Variants in INSYN2B observed in about 807,000 individuals in gnomAD.
INSYN2B encodes the protein inhibitory synaptic factor family member 2B.
In INSYN2B, 16 loss-of-function variants were observed where a neutral mutation model predicts 41.2. The observed-to-expected ratio is 0.39, with a 90% CI of 0.26 to 0.59. INSYN2B has a LOEUF of 0.59. INSYN2B is among the 20% of genes least tolerant of loss of function. INSYN2B has a pLI of 0.57. For synonymous variants in INSYN2B, 245 were observed against 244.4 expected, an observed-to-expected ratio of 1.00 and a Z score of -0.02; for missense variants, 608 against 646.4, an observed-to-expected ratio of 0.94 and a Z score of 0.64.
chr5:169,936,526 G>A (rs2113695144), intron 1 of INSYN2B, among the ~76,000 whole-genome samples: 1 of 150,234 alleles, frequency 6.7e-6, no homozygotes, highest in South Asian at 2.1e-4. Flanking sequence ...ATTCTATCCT[G>A]TGTGTATTTC....
intron 1 of INSYN2B, among the ~76,000 whole-genome samples, chr5:169,885,168 GTCACATTTT>G (rs1561795293): frequency 6.6e-6 from 1 of 152,090 alleles, no homozygotes; most frequent in Non-Finnish European, 1.5e-5. Context: ...GTACATCCTC[GTCACATTTT>G]TCACAATACA....
intron 1 of INSYN2B, among the ~76,000 whole-genome samples, chr5:169,887,014 C>A (rs1439939640): frequency 6.6e-6 from 1 of 152,160 alleles, no homozygotes; most frequent in South Asian, 2.1e-4. Flanking sequence ...AACTGAGGCA[C>A]AGAAGATGAA....
In INSYN2B at chr5:169,911,376, C is replaced by T. The variant is rs891783078; in HGVS notation, c.-918-26560G>A. Among the ~76,000 whole-genome samples, 6 of 152,234 alleles carry T rather than the reference C, an allele frequency of 3.9e-5. No individual in the cohort carries two copies. In the East Asian group the frequency reaches 1.2e-3, roughly 29 times the overall value. ...ACTTCTCTTTTCATGCTATGGCGTT[C>T]ACAGGACATCAGAGCCAGTGGAGCT... On this transcript the variant is annotated intron_variant, in intron 1 of 3. Transcript: ENST00000377365.
At chr5:169,955,683 C>T (rs1320468806) in intron 1 of INSYN2B, among the ~76,000 whole-genome samples, 2 of 152,156 alleles carry the variant, frequency 1.3e-5, no homozygotes, top group Admixed American at 1.3e-4. Flanking sequence ...CCAGCCTAGC[C>T]ACTATATAGC....
chr5:169,876,873 C>G (rs1772365867), intron 3 of INSYN2B, among the ~76,000 whole-genome samples: 1 of 152,210 alleles, frequency 6.6e-6, no homozygotes, highest in Non-Finnish European at 1.5e-5. Context: ...TTAATAGAGT[C>G]ATTTCTTTCT....
chr5:169,963,223 G>T (rs1262616570), intron 1 of INSYN2B, among the ~76,000 whole-genome samples: 10 of 152,122 alleles, frequency 6.6e-5, no homozygotes, highest in Non-Finnish European at 8.8e-5. Context: ...GTCCACGTGG[G>T]GTGGGTATCA....
intron 1 of INSYN2B, among the ~76,000 whole-genome samples, chr5:169,910,248 G>T (rs1405551481): frequency 6.6e-6 from 1 of 152,116 alleles, no homozygotes; most frequent in East Asian, 1.9e-4. Flanking sequence ...GTTAGAAGTG[G>T]CCATCTGAGA....
intron 2 of INSYN2B, 67 bp from the exon 3 acceptor site, chr5:169,881,509 C>T: frequency 8.0e-7 from 1 of 1,242,452 alleles, no homozygotes; most frequent in Non-Finnish European, 1.2e-6. Context: ...AACATTCAAC[C>T]TACTTGTCCC....
intron 1 of INSYN2B, among the ~76,000 whole-genome samples, chr5:169,923,739 A>G (rs33372): frequency 0.36 from 55,066 of 152,160 alleles, 10,509 homozygotes; most frequent in East Asian, 0.56. Flanking sequence ...AAATGTGAGT[A>G]ACTGTGTTTA....
chr5:169,915,205 G>A (rs1434482499), intron 1 of INSYN2B, among the ~76,000 whole-genome samples: 1 of 152,280 alleles, frequency 6.6e-6, no homozygotes, highest in African/African-American at 2.4e-5. Flanking sequence ...AATCAGAAAT[G>A]AATAAGGAGA....
intron 1 of INSYN2B, among the ~76,000 whole-genome samples, chr5:169,971,672 C>T (rs1266996298): frequency 2.0e-5 from 3 of 152,174 alleles, no homozygotes; most frequent in African/African-American, 7.2e-5. Context: ...AGAGCAAGGA[C>T]TTTGGGTAGC....
chr5:169,871,794 T>C (rs768472118), intron 3 of INSYN2B, among the ~76,000 whole-genome samples: 1 of 152,236 alleles, frequency 6.6e-6, no homozygotes, highest in African/African-American at 2.4e-5. Flanking sequence ...CTGGGGTGCA[T>C]GGGGGACGCT....
chr5:169,913,136 A>C (rs989951743), intron 1 of INSYN2B, among the ~76,000 whole-genome samples: 21 of 152,210 alleles, frequency 1.4e-4, no homozygotes, highest in African/African-American at 4.8e-4. Context: ...CTTCAGGCAC[A>C]AACATTTAAA....
chr5:169,922,309 A>G (rs141733626), intron 1 of INSYN2B, among the ~76,000 whole-genome samples: 297 of 152,366 alleles, frequency 1.9e-3, no homozygotes, highest in South Asian at 7.2e-3. Flanking sequence ...GCCCTAATTT[A>G]TGCAGAACCC....
chr5:169,970,669 T>C (rs1777470350), intron 1 of INSYN2B, among the ~76,000 whole-genome samples: 1 of 152,224 alleles, frequency 6.6e-6, no homozygotes, highest in African/African-American at 2.4e-5. Context: ...TAACTTTGAT[T>C]AGACTTTTGC....
At chr5:169,868,192 T>G (rs1211354870) in intron 3 of INSYN2B, among the ~76,000 whole-genome samples, 1 of 152,174 alleles carries the variant, frequency 6.6e-6, no homozygotes, top group African/African-American at 2.4e-5. Context: ...AACACAACAG[T>G]AAGTTAGACA....
At chr5:169,924,738 A>G (rs1328658174) in intron 1 of INSYN2B, among the ~76,000 whole-genome samples, 2 of 152,242 alleles carry the variant, frequency 1.3e-5, no homozygotes, top group African/African-American at 4.8e-5. Context: ...AATAATTAAC[A>G]GGACATTTCT....
At chr5:169,954,818 C>T (rs568887917) in intron 1 of INSYN2B, among the ~76,000 whole-genome samples, 29 of 152,336 alleles carry the variant, frequency 1.9e-4, no homozygotes, top group Non-Finnish European at 2.4e-4. Context: ...TGGGAAGGCT[C>T]ATACAGGTCC....
chr5:169,869,309 C>A (rs1236422966), intron 3 of INSYN2B, among the ~76,000 whole-genome samples: 1 of 152,156 alleles, frequency 6.6e-6, no homozygotes, highest in Non-Finnish European at 1.5e-5. Context: ...CTCCCCACTC[C>A]CCTCTTGTGA....
Sources: allele counts gnomAD v4.1 joint callset (sites outside exome capture counted in the v4.1 genomes callset), GRCh38; gene constraint gnomAD v4.1.1; transcripts MANE v1.5; gene names NCBI Gene and HGNC (gene_info 2026-07-23, HGNC 2026-07-21).